Variants in CAPN5 observed in about 807,000 individuals in gnomAD.
The protein encoded by CAPN5 is calpain 5, also known as calpain-5.
CAPN5 carries 54 observed loss-of-function variants against 73.0 expected under a neutral mutation model. That is an observed-to-expected ratio of 0.74 (90% CI 0.59 to 0.93). CAPN5 has a LOEUF of 0.93. Among genes scored for constraint, CAPN5 ranks in the 40% least tolerant of loss-of-function variants. The probability of loss-of-function intolerance (pLI) is 0.00; values close to 1 mark genes in which losing one functional copy is unlikely to be tolerated. For synonymous variants in CAPN5, 335 were observed against 356.9 expected (o/e 0.94, Z 0.69); for missense variants, 785 against 882.9 (o/e 0.89, Z 1.41).
intron 1 of CAPN5, chr11:77,073,192 T>A (rs1949929582): frequency 9.7e-7 from 1 of 1,032,468 alleles, no homozygotes; most frequent in Non-Finnish European, 1.3e-6. Flanking sequence ...TGGATGTGGT[T>A]CTTTCAGTGT....
chr11:77,087,732 G>A (rs1469481378), intron 2 of CAPN5, among the ~76,000 whole-genome samples: 2 of 152,100 alleles, frequency 1.3e-5, no homozygotes, highest in Non-Finnish European at 2.9e-5. Flanking sequence ...ATACACATGG[G>A]AGGCAGGTGA....
In CAPN5 at chr11:77,120,785, C is replaced by G. The variant is rs370387285; in HGVS notation, c.1363C>G (p.Arg455Gly). The G allele has an allele frequency of 1.8e-5, 29 of 1,613,980 alleles. No homozygotes were observed. The highest frequency in any genetic ancestry group is 2.4e-5 in the Non-Finnish European group (28 of 1,180,004). ...KAASSIYINS[R>G]SVFLRTDQPE... ...CGCCAGCTCCATCTACATCAACTCA[C>G]GCAGCGTCTTCCTGCGCACCGACCA... is the stretch of plus-strand genomic sequence containing the variant. The change falls in exon 10 of 13, where the codon CGC becomes GGC. Residue 455 changes from arginine to glycine, a missense_variant. Transcript: ENST00000648180.
chr11:77,079,164 A>G (rs1276538359), intron 1 of CAPN5, among the ~76,000 whole-genome samples: 2 of 151,578 alleles, frequency 1.3e-5, no homozygotes, highest in East Asian at 1.9e-4. Flanking sequence ...TATTATTATT[A>G]TTATTATTTT....
intron 1 of CAPN5, among the ~76,000 whole-genome samples, chr11:77,081,454 C>A (rs10160739): frequency 6.6e-6 from 1 of 152,210 alleles, no homozygotes. Flanking sequence ...GGTAGCCCCC[C>A]CATACCTGGC....
intron 1 of CAPN5, among the ~76,000 whole-genome samples, chr11:77,071,994 C>T (rs918699435): frequency 8.5e-5 from 13 of 152,216 alleles, no homozygotes; most frequent in Admixed American, 4.6e-4. Context: ...TACTGGGCCC[C>T]GCTTCTCTCA....
At chr11:77,074,623 C>T (rs555883228) in intron 1 of CAPN5, among the ~76,000 whole-genome samples, 49 of 152,176 alleles carry the variant, frequency 3.2e-4, no homozygotes, top group Non-Finnish European at 6.3e-4. Flanking sequence ...CTCCCCTGTT[C>T]ATATGGCAAA....
chr11:77,080,948 C>G (rs1328425639), intron 1 of CAPN5, among the ~76,000 whole-genome samples: 2 of 152,220 alleles, frequency 1.3e-5, no homozygotes, highest in East Asian at 3.9e-4. Context: ...CCCCAGCCCC[C>G]TCATTCTGAC....
At chr11:77,104,209 A>G (rs1950319616) in intron 3 of CAPN5, among the ~76,000 whole-genome samples, 1 of 152,222 alleles carries the variant, frequency 6.6e-6, no homozygotes, top group Non-Finnish European at 1.5e-5. Context: ...CAGTTCAGAT[A>G]GTGAAACAGG....
intron 3 of CAPN5, among the ~76,000 whole-genome samples, chr11:77,103,678 A>G (rs781803490): frequency 6.6e-6 from 1 of 152,230 alleles, no homozygotes; most frequent in Non-Finnish European, 1.5e-5. Context: ...AGAAAGACCA[A>G]GAGAGACACA....
intron 2 of CAPN5, among the ~76,000 whole-genome samples, chr11:77,085,809 T>C (rs1713731112): frequency 6.6e-6 from 1 of 152,142 alleles, no homozygotes; most frequent in South Asian, 2.1e-4. Flanking sequence ...ATGGGGTCCC[T>C]GGTGGCCTGG....
Position 77,123,770 on chromosome 11 carries a change from A to G in CAPN5, c.1823A>G (p.His608Arg). The G allele has an allele frequency of 6.2e-7, 1 of 1,613,814 alleles. No individual in the cohort carries two copies. Among genetic ancestry groups the G allele is most frequent in the Non-Finnish European group, 8.5e-7 (1 of 1,179,956 alleles). The change falls in exon 13 of 13, where the codon CAT becomes CGT. Residue 608 changes from histidine to arginine, a missense_variant. Physicochemically the swap from His to Arg is conservative, Grantham distance 29. Coordinates refer to ENST00000648180, the MANE Select transcript of CAPN5 (RefSeq NM_004055.5). Reference sequence around the variant, plus strand: ...GACCCGGACAACCTCCAGGCCCTGCATACCCTCCACCTCCGGGACCGAAAT... The same window carrying G: ...GACCCGGACAACCTCCAGGCCCTGCGTACCCTCCACCTCCGGGACCGAAAT... ...KADPDNLQALHTLHLRDRNSR... is the reference protein window; with the variant it reads ...KADPDNLQALRTLHLRDRNSR...
At chr11:77,070,093 A>G (rs1555032786) in intron 1 of CAPN5, among the ~76,000 whole-genome samples, 2 of 152,248 alleles carry the variant, frequency 1.3e-5, no homozygotes, top group African/African-American at 4.8e-5. Context: ...CTTACCCGCA[A>G]GGGCCTGGGT....
rs1332739711 is a variant in CAPN5, at chr11:77,078,323, T to C, written c.-35-6529T>C. On this transcript the variant is annotated intron_variant, in intron 1 of 12. Coordinates refer to ENST00000648180, the MANE Select transcript of CAPN5 (RefSeq NM_004055.5). ...ACACCAATTATTGGAGAGACTGTCT[T>C]TTCCCCTTTGTGTGTCCTTGGTACT... 2.6e-5 allele frequency among the ~76,000 whole-genome samples: 4 copies of C among 152,258 alleles called. No individual in the cohort carries two copies. The East Asian group carries it at 7.7e-4, about 29-fold the overall frequency.
intron 2 of CAPN5, among the ~76,000 whole-genome samples, chr11:77,088,448 G>A (rs934341958): frequency 1.3e-5 from 2 of 152,170 alleles, no homozygotes; most frequent in Non-Finnish European, 2.9e-5. Context: ...CAGAGATGGG[G>A]TTCAGTGGGG....
At chr11:77,095,518 G>A (rs1317490874) in intron 3 of CAPN5, among the ~76,000 whole-genome samples, 1 of 152,202 alleles carries the variant, frequency 6.6e-6, no homozygotes, top group Non-Finnish European at 1.5e-5. Flanking sequence ...CTAGGGACCT[G>A]GAGTAGAGAA....
intron 12 of CAPN5, 102 bp downstream of exon 12, chr11:77,122,814 G>C: frequency 6.9e-7 from 1 of 1,449,950 alleles, no homozygotes; most frequent in South Asian, 1.2e-5. Context: ...GAGGACCCAG[G>C]CATGCTGGGC....
intron 3 of CAPN5, 24 bp downstream of exon 3, chr11:77,093,837 A>G: frequency 1.9e-6 from 3 of 1,605,912 alleles, no homozygotes; most frequent in Non-Finnish European, 1.7e-6. Context: ...CAGAGTGGGC[A>G]GGGTGCTGGG....
chr11:77,103,431 C>T lies in CAPN5; in HGVS notation c.298-9158C>T, dbSNP rs575854400. The T allele has an allele frequency of 2.4e-5, 34 of 1,423,250 alleles. No homozygotes were observed. The African/African-American group carries it at 3.3e-4, about 14-fold the overall frequency. The allele number at this position is 1,423,250 out of a possible 1,614,324, so 88.2% of individuals were successfully genotyped here. A position where few individuals can be genotyped will look rare whatever the true frequency, so the allele number is the denominator to read the frequency against. ...TTTTGGGGCCATTATTCTCGCTGCTCAGCCTGTCCTCTGCTTGCCCAGAGG... is the reference window on the plus strand; with the variant it reads ...TTTTGGGGCCATTATTCTCGCTGCTTAGCCTGTCCTCTGCTTGCCCAGAGG... On this transcript the variant is annotated intron_variant, in intron 3 of 12. Coordinates refer to ENST00000648180, the MANE Select transcript of CAPN5 (RefSeq NM_004055.5).
chr11:77,115,894 G>T (rs1452107029), intron 6 of CAPN5, among the ~76,000 whole-genome samples: 1 of 152,120 alleles, frequency 6.6e-6, no homozygotes, highest in Non-Finnish European at 1.5e-5. Flanking sequence ...TTGGCTTATG[G>T]CCCTGGTAAG....
Sources: gnomAD v4.1 joint callset for allele counts (sites outside exome capture counted in the v4.1 genomes callset) on GRCh38, gnomAD v4.1.1 for gene constraint, MANE v1.5 for transcripts, NCBI Gene and HGNC (gene_info 2026-07-23, HGNC 2026-07-21) for gene names.